The following E2F3 variants were observed in gnomAD, a reference collection of about 807,000 sequenced individuals.
E2F3 encodes E2F transcription factor 3.
A neutral mutation model predicts 44.4 loss-of-function variants in E2F3; 11 were observed. The ratio of observed to expected loss-of-function variants is 0.25; its 90% CI spans 0.16 to 0.41. The LOEUF (loss-of-function observed/expected upper bound fraction) is 0.41. Among genes scored for constraint, E2F3 ranks in the 10% least tolerant of loss-of-function variants. The probability of loss-of-function intolerance (pLI) is 1.00; values close to 1 mark genes in which losing one functional copy is unlikely to be tolerated. For missense variants in E2F3, 487 were observed against 583.6 expected, an observed-to-expected ratio of 0.83 and a Z score of 1.70; for synonymous variants, 249 against 253.0, an observed-to-expected ratio of 0.98 and a Z score of 0.15.
At chr6:20,430,175 A>G (rs181092482) in intron 1 of E2F3, among the ~76,000 whole-genome samples, 41 of 152,344 alleles carry the variant, frequency 2.7e-4, no homozygotes, top group African/African-American at 8.9e-4. Context: ...TTCAATTTGA[A>G]TTTCAGATAA....
At position 20,486,762 on chromosome 6, in the gene E2F3, G is replaced by T. The variant is rs1282820215; in HGVS notation, c.958G>T (p.Ala320Ser). 1 of 1,613,382 alleles carries T rather than the reference G, an allele frequency of 6.2e-7. No individual in the cohort carries two copies. Among genetic ancestry groups the T allele is most frequent in the African/African-American group, 1.3e-5 (1 of 74,838 alleles). Residue 320 changes from alanine (A) to serine (S), a missense_variant, in exon 5 of 7, where the codon GCC becomes TCC. Ala to Ser is a moderately conservative substitution (Grantham distance 99). Around this residue, in one of 3 missense-constraint regions of E2F3, gnomAD observed 220 missense variants for 261.7 expected, o/e 0.84. Transcript: ENST00000346618. The part of the protein sequence containing the change: ...LKDQTVIVVK[A>S]PPETRLEVPD... Reference sequence around the variant, plus strand: ...AGACCAAACTGTTATAGTTGTGAAAGCCCCTCCAGAAACAAGACTTGAAGT... The same window carrying T: ...AGACCAAACTGTTATAGTTGTGAAATCCCCTCCAGAAACAAGACTTGAAGT...
At chr6:20,444,205 A>G (rs763736796) in intron 1 of E2F3, among the ~76,000 whole-genome samples, 3 of 152,218 alleles carry the variant, frequency 2.0e-5, no homozygotes, top group Non-Finnish European at 4.4e-5. Flanking sequence ...TAAATATAAA[A>G]TAATAGAATG....
chr6:20,404,912 A>C (rs980560370), intron 1 of E2F3, among the ~76,000 whole-genome samples: 1 of 152,226 alleles, frequency 6.6e-6, no homozygotes, highest in Non-Finnish European at 1.5e-5. Flanking sequence ...ACCCCTGCAC[A>C]GTTCTGTTAC....
intron 1 of E2F3, among the ~76,000 whole-genome samples, chr6:20,478,683 C>T (rs2127619415): frequency 6.6e-6 from 1 of 152,226 alleles, no homozygotes; most frequent in Non-Finnish European, 1.5e-5. Flanking sequence ...GTGGCGTGCA[C>T]CTGCAGTCCC....
chr6:20,443,951 C>G (rs9465750), intron 1 of E2F3, among the ~76,000 whole-genome samples: 3,540 of 152,212 alleles, frequency 0.023, 136 homozygotes, highest in African/African-American at 0.079. Context: ...GTGTCTCACT[C>G]CTGTAATCCC....
At chr6:20,480,297 C>T (rs964383410) in intron 2 of E2F3, among the ~76,000 whole-genome samples, 2 of 152,294 alleles carry the variant, frequency 1.3e-5, no homozygotes, top group East Asian at 1.9e-4. Context: ...TGGATGTCCA[C>T]GAACTATGCC....
At chr6:20,404,742 G>T (rs1251978426) in intron 1 of E2F3, among the ~76,000 whole-genome samples, 2 of 152,170 alleles carry the variant, frequency 1.3e-5, no homozygotes, top group African/African-American at 4.8e-5. Flanking sequence ...AGTGACTAGG[G>T]TCTGCCAGCA....
chr6:20,441,725 ATT>A (rs70990031), intron 1 of E2F3, among the ~76,000 whole-genome samples: 200 of 119,324 alleles, frequency 1.7e-3, no homozygotes, highest in Middle Eastern at 4.2e-3. Flanking sequence ...CGCGTGGGTA[ATT>A]TTTTTTTTTT....
chr6:20,431,478 G>C (rs1329429289), intron 1 of E2F3, among the ~76,000 whole-genome samples: 1 of 152,114 alleles, frequency 6.6e-6, no homozygotes, highest in Non-Finnish European at 1.5e-5. Flanking sequence ...GTCTCTCTAG[G>C]AGCAGACTGA....
chr6:20,409,270 C>T (rs1057010028), intron 1 of E2F3, among the ~76,000 whole-genome samples: 15 of 151,852 alleles, frequency 9.9e-5, no homozygotes, highest in African/African-American at 3.4e-4. Context: ...TGACTTATTC[C>T]CAAAGATACA....
At chr6:20,460,300 T>C (rs771253973) in intron 1 of E2F3, among the ~76,000 whole-genome samples, 29 of 152,220 alleles carry the variant, frequency 1.9e-4, no homozygotes, top group Non-Finnish European at 3.5e-4. Flanking sequence ...CAGAAGTATA[T>C]AGGATGTATT....
chr6:20,479,135 G>C (rs1160757246), intron 1 of E2F3, among the ~76,000 whole-genome samples: 5 of 152,208 alleles, frequency 3.3e-5, no homozygotes, highest in Admixed American at 2.0e-4. Flanking sequence ...GAAAGTAATA[G>C]TGGTTGAAGC....
chr6:20,448,460 T>G (rs1018011665), intron 1 of E2F3, among the ~76,000 whole-genome samples: 1 of 152,050 alleles, frequency 6.6e-6, no homozygotes, highest in African/African-American at 2.4e-5. Flanking sequence ...AATATGTATA[T>G]GTATACACAC....
At position 20,490,044 on chromosome 6, in the gene E2F3, G is replaced by A. The variant is rs769037385; in HGVS notation, c.1136-124G>A. 19 of 1,075,330 alleles carry A rather than the reference G, an allele frequency of 1.8e-5. No homozygotes were observed. Among genetic ancestry groups the A allele is most frequent in the Admixed American group, 2.8e-5 (1 of 35,966 alleles). The allele number at this position is 1,075,330 out of a possible 1,614,324, so 66.6% of individuals were successfully genotyped here. A position where few individuals can be genotyped will look rare whatever the true frequency, so the allele number is the denominator to read the frequency against. ...AAAAGGTGATCTGCATCATAAAGTCGTCTCATTGTCATTATTTGCGGAAGG... is the reference window on the plus strand; with the variant it reads ...AAAAGGTGATCTGCATCATAAAGTCATCTCATTGTCATTATTTGCGGAAGG... On this transcript the variant is annotated intron_variant, in intron 6 of 6. Transcript: ENST00000346618. The surrounding 1 kb of genome is among the most constrained non-coding windows in gnomAD (Gnocchi z 4.3).
rs111474429 is a variant in E2F3 at position 20,451,575 on chromosome 6, G to C, written c.394-28271G>C. 5.3e-3 allele frequency among the ~76,000 whole-genome samples: 809 copies of C among 152,200 alleles called. 4 individuals carry two copies. Among genetic ancestry groups the C allele is most frequent in the Non-Finnish European group, 8.8e-3 (597 of 68,016 alleles). On this transcript the variant is annotated intron_variant, in intron 1 of 6. Transcript: ENST00000346618. ...TTTCTTTCTCTTGACTGATTGCTCTGGCCAGGGCTTCCAATATTATGTTGA... is the reference window on the plus strand; with the variant it reads ...TTTCTTTCTCTTGACTGATTGCTCTCGCCAGGGCTTCCAATATTATGTTGA...
intron 1 of E2F3, among the ~76,000 whole-genome samples, chr6:20,459,674 C>T (rs1334034174): frequency 6.6e-6 from 1 of 152,080 alleles, no homozygotes; most frequent in East Asian, 1.9e-4. Flanking sequence ...CTGTGAGTTA[C>T]AGCCAGACTC....
intron 4 of E2F3, among the ~76,000 whole-genome samples, chr6:20,484,011 G>T (rs958357515): frequency 4.6e-5 from 7 of 152,194 alleles, no homozygotes; most frequent in African/African-American, 1.7e-4. Flanking sequence ...TAGTGATTTG[G>T]ACCCCCAGTG....
intron 3 of E2F3, among the ~76,000 whole-genome samples, chr6:20,482,153 G>A (rs908471601): frequency 2.6e-5 from 4 of 152,010 alleles, no homozygotes; most frequent in Admixed American, 2.0e-4. Flanking sequence ...TGCACATTTT[G>A]GAATTTTGTT....
rs188573308 is a variant in E2F3 at position 20,403,715 on chromosome 6, C to T, written c.393+1090C>T. On this transcript the variant is annotated intron_variant, in intron 1 of 6. Coordinates refer to ENST00000346618, the MANE Select transcript of E2F3 (RefSeq NM_001949.5). ...CCCTCTCCTCTCCCCACCCCCCCACCGGCGCCCGCCCTCGCCCTGCGCCGC... is the reference window on the plus strand; with the variant it reads ...CCCTCTCCTCTCCCCACCCCCCCACTGGCGCCCGCCCTCGCCCTGCGCCGC... 4.4e-3 allele frequency: 4,666 copies of T among 1,048,654 alleles called. 154 individuals carry two copies. The African/African-American group carries it at 0.07, about 16-fold the overall frequency. The allele number at this position is 1,048,654 out of a possible 1,614,324, so 65.0% of individuals were successfully genotyped here. A position where few individuals can be genotyped will look rare whatever the true frequency, so the allele number is the denominator to read the frequency against.
Sources: gnomAD v4.1 joint callset for allele counts (sites outside exome capture counted in the v4.1 genomes callset) on GRCh38, gnomAD v4.1.1 for gene constraint, gnomAD v4.1.1 regional missense constraint, Gnocchi (gnomAD v3.1) non-coding constraint, MANE v1.5 for transcripts, NCBI Gene and HGNC (gene_info 2026-07-23, HGNC 2026-07-21) for gene names.